SDK1: variants seen among roughly 807,000 people sequenced by gnomAD.
The protein encoded by SDK1 is protein sidekick-1.
A neutral mutation model predicts 245.5 loss-of-function variants in SDK1; 157 were observed. The ratio of observed to expected loss-of-function variants is 0.64; its 90% CI spans 0.56 to 0.73. The LOEUF is 0.73. SDK1 is among the 30% of genes least tolerant of loss of function. The probability of loss-of-function intolerance (pLI) is 0.00; values close to 1 mark genes in which losing one functional copy is unlikely to be tolerated. For missense variants in SDK1, 3,583 were observed against 3,002.3 expected, an observed-to-expected ratio of 1.19 and a Z score of -4.52; for synonymous variants, 1,647 against 1,278.5, an observed-to-expected ratio of 1.29 and a Z score of -6.15.
chr7:3,577,316 A>C (rs1290134944), intron 1 of SDK1, among the ~76,000 whole-genome samples: 3 of 152,084 alleles, frequency 2.0e-5, no homozygotes, highest in Non-Finnish European at 4.4e-5. Flanking sequence ...ACACCATTTT[A>C]CAGACAAGGA....
rs372225815 is a variant in SDK1 at position 3,369,386 on chromosome 7, T to A, written c.298+67502T>A. Among the ~76,000 whole-genome samples the A allele has an allele frequency of 1.1e-3, 166 of 152,280 alleles. 1 individual carries two copies. Among genetic ancestry groups the A allele is most frequent in the African/African-American group, 3.8e-3 (157 of 41,532 alleles). ...AACAGTCATGCTTGTGTAGGTACTGTCTGTGGTCACTTTTGTTCTACAATG... is the reference window on the plus strand; with the variant it reads ...AACAGTCATGCTTGTGTAGGTACTGACTGTGGTCACTTTTGTTCTACAATG... On this transcript the variant is annotated intron_variant, in intron 1 of 44. Transcript: ENST00000404826.
At chr7:3,424,275 T>C (rs777534553) in intron 1 of SDK1, among the ~76,000 whole-genome samples, 2 of 152,210 alleles carry the variant, frequency 1.3e-5, no homozygotes, top group Non-Finnish European at 2.9e-5. Flanking sequence ...AAGAAGATTA[T>C]TTTGTGCCCA....
At chr7:4,227,884 C>T (rs58157831) in intron 40 of SDK1, among the ~76,000 whole-genome samples, 11,000 of 152,170 alleles carry the variant, frequency 0.072, 452 homozygotes, top group Middle Eastern at 0.13. Context: ...ACCGCTTGGG[C>T]GGGGGGAGAT....
At position 4,245,698 on chromosome 7, in the gene SDK1, G is replaced by A. The variant is rs751632682; in HGVS notation, c.6274G>A (p.Gly2092Ser). ...GTRSPPRPSP[G>S]GLHYSDEDIC... ...TAGGTCCCCACCCCGGCCTAGCCCC[G>A]GCGGCCTGCACTACTCAGACGAGGA... Residue 2092 changes from glycine (G) to serine (S), a missense_variant, in exon 44 of 45, where the codon GGC becomes AGC. By Grantham distance (56) the Gly-to-Ser change is moderately conservative (BLOSUM62 0). Transcript: ENST00000404826. 24 of 1,613,828 alleles carry A rather than the reference G, an allele frequency of 1.5e-5. 1 individual carries two copies. Among genetic ancestry groups the A allele is most frequent in the South Asian group, 1.2e-4 (11 of 91,072 alleles).
chr7:3,979,244 G>T (rs1264685627), intron 13 of SDK1, among the ~76,000 whole-genome samples: 1 of 152,214 alleles, frequency 6.6e-6, no homozygotes, highest in Non-Finnish European at 1.5e-5. Flanking sequence ...ACCCGGGTTT[G>T]TAAGATCCTG....
intron 4 of SDK1, among the ~76,000 whole-genome samples, chr7:3,646,302 G>C (rs1562627760): frequency 6.6e-6 from 1 of 151,284 alleles, no homozygotes; most frequent in Non-Finnish European, 1.5e-5. Flanking sequence ...GTGGGCTTTA[G>C]GCTTATAATT....
chr7:3,711,659 G>A (rs1185888700), intron 4 of SDK1, among the ~76,000 whole-genome samples: 1 of 152,188 alleles, frequency 6.6e-6, no homozygotes, highest in African/African-American at 2.4e-5. Context: ...GTTTGGTCAA[G>A]AAACAGGAAG....
chr7:4,158,106 G>A (rs73671596), intron 30 of SDK1, among the ~76,000 whole-genome samples: 2,641 of 152,266 alleles, frequency 0.017, 74 homozygotes, highest in African/African-American at 0.06. Flanking sequence ...CTGCCTCCCC[G>A]AGGAGCCCTG....
intron 1 of SDK1, among the ~76,000 whole-genome samples, chr7:3,482,515 ATC>A (rs1448353498): frequency 3.9e-5 from 6 of 152,190 alleles, no homozygotes; most frequent in Admixed American, 3.9e-4. Context: ...TGAGAAAGAA[ATC>A]TCTGCGCAGA....
chr7:3,506,697 G>T (rs899860397), intron 1 of SDK1, among the ~76,000 whole-genome samples: 2 of 152,070 alleles, frequency 1.3e-5, no homozygotes, highest in Admixed American at 6.5e-5. Context: ...GTTGTATTCA[G>T]ATTCACTGAT....
intron 1 of SDK1, among the ~76,000 whole-genome samples, chr7:3,389,294 A>AT (rs777671390): frequency 9.9e-5 from 15 of 152,192 alleles, no homozygotes; most frequent in Admixed American, 2.6e-4. Context: ...ATTATCCTGG[A>AT]TTATCTGGGT....
chr7:3,773,225 C>G (rs926694849), intron 4 of SDK1, among the ~76,000 whole-genome samples: 1 of 152,248 alleles, frequency 6.6e-6, no homozygotes, highest in African/African-American at 2.4e-5. Flanking sequence ...GCTCTGTTCA[C>G]TTTTCTTCAA....
At chr7:3,516,292 T>A (rs1455142412) in intron 1 of SDK1, among the ~76,000 whole-genome samples, 2 of 152,022 alleles carry the variant, frequency 1.3e-5, no homozygotes, top group Non-Finnish European at 2.9e-5. Flanking sequence ...CTATGTTTAC[T>A]TATACATGCA....
intron 1 of SDK1, among the ~76,000 whole-genome samples, chr7:3,399,088 T>C (rs1048546806): frequency 2.6e-5 from 4 of 152,154 alleles, no homozygotes; most frequent in African/African-American, 7.2e-5. Context: ...ACCCCAGTTA[T>C]GTGTAACTTC....
chr7:3,798,077 C>G (rs983962801), intron 4 of SDK1, among the ~76,000 whole-genome samples: 4 of 151,970 alleles, frequency 2.6e-5, no homozygotes, highest in African/African-American at 7.3e-5. Context: ...TTTACTAGAG[C>G]CTTTTTCCCA....
intron 44 of SDK1, among the ~76,000 whole-genome samples, chr7:4,249,979 T>A (rs1390389944): frequency 6.6e-6 from 1 of 152,140 alleles, no homozygotes; most frequent in Non-Finnish European, 1.5e-5. Context: ...TTTTAGAACA[T>A]TTCCATCAGC....
chr7:3,492,527 C>T (rs182170460), intron 1 of SDK1, among the ~76,000 whole-genome samples: 4 of 152,302 alleles, frequency 2.6e-5, no homozygotes, highest in East Asian at 3.9e-4. Flanking sequence ...ACAAAAAAAC[C>T]TGACGGATGT....
chr7:3,362,120 A>G (rs1780968663), intron 1 of SDK1, among the ~76,000 whole-genome samples: 2 of 152,196 alleles, frequency 1.3e-5, no homozygotes, highest in South Asian at 2.1e-4. Context: ...TAGCATTTTG[A>G]TCTGAGGACT....
At chr7:3,773,467 A>T (rs1216629512) in intron 4 of SDK1, among the ~76,000 whole-genome samples, 1 of 151,386 alleles carries the variant, frequency 6.6e-6, no homozygotes, top group Non-Finnish European at 1.5e-5. Context: ...ATCTGCCTTT[A>T]TTTCTTTGAG....
Sources: gnomAD v4.1 joint callset for allele counts (sites outside exome capture counted in the v4.1 genomes callset) on GRCh38, gnomAD v4.1.1 for gene constraint, MANE v1.5 for transcripts, NCBI Gene and HGNC (gene_info 2026-07-23, HGNC 2026-07-21) for gene names.